YAP1: variants seen among roughly 807,000 people sequenced by gnomAD.
The protein encoded by YAP1 is Yes1 associated transcriptional regulator, also known as transcriptional coactivator YAP1.
YAP1 carries 5 observed loss-of-function variants against 56.9 expected under a neutral mutation model. The ratio of observed to expected loss-of-function variants is 0.09; its 90% CI spans 0.05 to 0.18. The LOEUF (loss-of-function observed/expected upper bound fraction) is 0.18. YAP1 is among the 10% of genes least tolerant of loss of function. The pLI, the probability that YAP1 is intolerant of heterozygous loss-of-function variation, is 1.00. For missense variants in YAP1, 539 were observed against 651.8 expected (o/e 0.83, Z 1.88); for synonymous variants, 265 against 248.1 (o/e 1.07, Z -0.64).
chr11:102,131,416 C>A (rs149603380), intron 2 of YAP1, among the ~76,000 whole-genome samples: 1 of 152,328 alleles, frequency 6.6e-6, no homozygotes, highest in African/African-American at 2.4e-5. Flanking sequence ...GGATAGGTCT[C>A]AAAACTTCAT....
intron 4 of YAP1, among the ~76,000 whole-genome samples, chr11:102,197,161 G>T (rs969426208): frequency 6.6e-6 from 1 of 152,134 alleles, no homozygotes; most frequent in Admixed American, 6.5e-5. Context: ...GAGTACACTC[G>T]TAGGTATGAG....
chr11:102,228,049 C>CAA (rs35908272), intron 8 of YAP1, among the ~76,000 whole-genome samples: 152 of 111,580 alleles, frequency 1.4e-3, no homozygotes, highest in African/African-American at 4.3e-3. Flanking sequence ...GACCTCTTCT[C>CAA]AAAAAAAAAA....
At chr11:102,207,633 T>G (rs1949189317) in intron 5 of YAP1, among the ~76,000 whole-genome samples, 1 of 152,194 alleles carries the variant, frequency 6.6e-6, no homozygotes, top group Non-Finnish European at 1.5e-5. Flanking sequence ...AAGTATCTCT[T>G]GAGTGTCAGT....
chr11:102,172,622 C>T (rs1447276456), intron 3 of YAP1, among the ~76,000 whole-genome samples: 2 of 151,716 alleles, frequency 1.3e-5, no homozygotes, highest in Non-Finnish European at 2.9e-5. Context: ...TCATTGATTT[C>T]TTTATCCAAA....
Position 102,131,342 on chromosome 11 carries a change from G to A in YAP1, c.572+16948G>A, listed in dbSNP as rs562512560. Among the ~76,000 whole-genome samples, 11 of 152,272 alleles carry A rather than the reference G, an allele frequency of 7.2e-5. No homozygotes were observed. The East Asian group carries it at 7.7e-4, about 11-fold the overall frequency. ...TATGTAGTGGTTTTATGTAGCAGGC[G>A]TTGTTCTGGATCCCACTCTGTGTAA... On this transcript the variant is annotated intron_variant, in intron 2 of 8. Coordinates refer to ENST00000282441, the MANE Select transcript of YAP1 (RefSeq NM_001130145.3).
intron 4 of YAP1, among the ~76,000 whole-genome samples, chr11:102,188,242 G>A (rs1948087304): frequency 6.6e-6 from 1 of 152,168 alleles, no homozygotes; most frequent in South Asian, 2.1e-4. Flanking sequence ...TTGCTTTCAT[G>A]ATTGTGGAGT....
At chr11:102,156,579 T>A (rs560177557) in intron 2 of YAP1, among the ~76,000 whole-genome samples, 1 of 152,366 alleles carries the variant, frequency 6.6e-6, no homozygotes, top group South Asian at 2.1e-4. Flanking sequence ...GTGGACCTTA[T>A]CATTGGAATT....
At chr11:102,122,895 C>CAAAGAAAAAAA (rs1943758678) in intron 2 of YAP1, among the ~76,000 whole-genome samples, 1 of 79,448 alleles carries the variant, frequency 1.3e-5, no homozygotes, top group Non-Finnish European at 2.4e-5. Context: ...AGACTTCTCT[C>CAAAGAAAAAAA]AAAAAAAAAA....
At chr11:102,184,084 A>AAT (rs1331073919) in intron 3 of YAP1, among the ~76,000 whole-genome samples, 5 of 147,658 alleles carry the variant, frequency 3.4e-5, no homozygotes, top group African/African-American at 1.2e-4. Context: ...CTCAAAAAAA[A>AAT]AAAAAAAAAA....
chr11:102,203,693 T>C (rs1948990309), intron 4 of YAP1, among the ~76,000 whole-genome samples: 1 of 152,208 alleles, frequency 6.6e-6, no homozygotes, highest in Admixed American at 6.5e-5. Context: ...ATGTAAAATA[T>C]ATGTTTGGAA....
chr11:102,213,686 C>T (rs997100431), intron 6 of YAP1, among the ~76,000 whole-genome samples: 2 of 152,132 alleles, frequency 1.3e-5, no homozygotes, highest in African/African-American at 4.8e-5. Flanking sequence ...CAAGCTTTTC[C>T]CCATAGTGAG....
intron 2 of YAP1, among the ~76,000 whole-genome samples, chr11:102,126,997 A>G (rs1394296822): frequency 6.6e-6 from 1 of 152,192 alleles, no homozygotes; most frequent in Non-Finnish European, 1.5e-5. Context: ...GAAAGAGATG[A>G]TTTAGGTATC....
intron 6 of YAP1, among the ~76,000 whole-genome samples, chr11:102,215,181 G>GC (rs1268890578): frequency 6.6e-6 from 1 of 152,116 alleles, no homozygotes; most frequent in African/African-American, 2.4e-5. Flanking sequence ...GGAAGAAATG[G>GC]CATTTTTTTC....
intron 2 of YAP1, among the ~76,000 whole-genome samples, chr11:102,117,487 T>C (rs1943361129): frequency 6.6e-6 from 1 of 152,212 alleles, no homozygotes; most frequent in African/African-American, 2.4e-5. Context: ...GAGAAAAAAC[T>C]TAGAAATGTT....
At chr11:102,195,324 A>G (rs2135549202) in intron 4 of YAP1, among the ~76,000 whole-genome samples, 1 of 152,282 alleles carries the variant, frequency 6.6e-6, no homozygotes, top group East Asian at 1.9e-4. Flanking sequence ...TGTTTGAAAA[A>G]TAACATTATA....
intron 3 of YAP1, among the ~76,000 whole-genome samples, chr11:102,180,006 A>ATTT (rs35958516): frequency 9.4e-6 from 1 of 105,878 alleles, no homozygotes; most frequent in African/African-American, 3.3e-5. Flanking sequence ...CATTTATTCT[A>ATTT]TTTTTTTTTT....
rs1950480188 is a variant in YAP1, at chr11:102,232,988, A to C, written c.*3048A>C. Reference sequence around the variant, plus strand: ...TATGGAACATGGCAGAAAGACTGAAAAATAACAGTAATTAATTGTGTAATT... The same window carrying C: ...TATGGAACATGGCAGAAAGACTGAACAATAACAGTAATTAATTGTGTAATT... On this transcript the variant is annotated 3_prime_UTR_variant, in exon 9 of 9. Transcript: ENST00000282441. 6.6e-6 allele frequency: 1 copy of C among 152,234 alleles called. No homozygotes were observed. The highest frequency in any genetic ancestry group is 2.4e-5 in the African/African-American group (1 of 41,456). The allele number at this position is 152,234 out of a possible 1,614,324, so 9.4% of individuals were successfully genotyped here.
At chr11:102,220,013 C>T (rs888168631) in intron 6 of YAP1, among the ~76,000 whole-genome samples, 25 of 151,736 alleles carry the variant, frequency 1.6e-4, no homozygotes, top group African/African-American at 2.4e-4. Context: ...GGATTACAGG[C>T]GTGAGCCACC....
intron 3 of YAP1, among the ~76,000 whole-genome samples, chr11:102,172,258 A>G (rs1946947521): frequency 6.7e-6 from 1 of 148,706 alleles, no homozygotes; most frequent in Non-Finnish European, 1.5e-5. Flanking sequence ...GTAGAGAGAG[A>G]GGAACACATG....
Sources: allele counts gnomAD v4.1 joint callset (sites outside exome capture counted in the v4.1 genomes callset), GRCh38; gene constraint gnomAD v4.1.1; transcripts MANE v1.5; gene names NCBI Gene and HGNC (gene_info 2026-07-23, HGNC 2026-07-21).